The following DGKB variants were observed in gnomAD, a reference collection of about 807,000 sequenced individuals.
The protein encoded by DGKB is diacylglycerol kinase beta.
A neutral mutation model predicts 114.3 loss-of-function variants in DGKB; 67 were observed. The observed-to-expected ratio is 0.59, with a 90% confidence interval of 0.48 to 0.72. The LOEUF (loss-of-function observed/expected upper bound fraction) is 0.72. DGKB is among the 30% of genes least tolerant of loss of function. The probability of loss-of-function intolerance (pLI) is 0.00; values close to 1 mark genes in which losing one functional copy is unlikely to be tolerated. For synonymous variants in DGKB, 398 were observed against 323.1 expected, an observed-to-expected ratio of 1.23 and a Z score of -2.49; for missense variants, 907 against 975.2, an observed-to-expected ratio of 0.93 and a Z score of 0.93.
In DGKB at chr7:14,635,303, G is replaced by A. The variant is rs187845955; in HGVS notation, c.1135-5035C>T. On this transcript the variant is annotated intron_variant, in intron 13 of 25. Coordinates refer to ENST00000402815, the MANE Select transcript of DGKB (RefSeq NM_001350709.2). Reference sequence around the variant, plus strand: ...TGTCTGGAGGCTATTGACAAGAAGGGAACCAACAGAATTTTAAAAAATAAA... The same window carrying A: ...TGTCTGGAGGCTATTGACAAGAAGGAAACCAACAGAATTTTAAAAAATAAA... Among the ~76,000 whole-genome samples the A allele has an allele frequency of 2.1e-3, 320 of 150,990 alleles. 47 individuals carry two copies. Among genetic ancestry groups the A allele is most frequent in the African/African-American group, 7.2e-3 (296 of 41,098 alleles).
intron 23 of DGKB, among the ~76,000 whole-genome samples, chr7:14,297,380 G>A (rs1440355472): frequency 6.6e-6 from 1 of 152,080 alleles, no homozygotes; most frequent in Non-Finnish European, 1.5e-5. Flanking sequence ...TGCATCCCTG[G>A]GATGCAAGGC....
chr7:14,844,474 C>A (rs1009448996), intron 1 of DGKB, among the ~76,000 whole-genome samples: 1 of 152,126 alleles, frequency 6.6e-6, no homozygotes, highest in East Asian at 1.9e-4. Context: ...AATAAAGAGG[C>A]TTGGGCATTA....
intron 12 of DGKB, among the ~76,000 whole-genome samples, chr7:14,682,054 A>C (rs1182204179): frequency 2.1e-5 from 2 of 94,536 alleles, no homozygotes; most frequent in East Asian, 1.6e-3. Context: ...AATCTGCTTA[A>C]CTTTTTTGGT....
At chr7:14,398,544 A>T (rs1822592798) in intron 21 of DGKB, among the ~76,000 whole-genome samples, 1 of 152,008 alleles carries the variant, frequency 6.6e-6, no homozygotes. Context: ...ACTTACTGGG[A>T]TGTGTGAAGG....
At chr7:14,381,623 T>C (rs2128682573) in intron 21 of DGKB, among the ~76,000 whole-genome samples, 1 of 152,248 alleles carries the variant, frequency 6.6e-6, no homozygotes, top group East Asian at 1.9e-4. Flanking sequence ...GCTTTGTCTA[T>C]TTTCTTTAGA....
At chr7:14,187,347 A>C (rs1000560389) in intron 23 of DGKB, among the ~76,000 whole-genome samples, 1 of 151,690 alleles carries the variant, frequency 6.6e-6, no homozygotes, top group Non-Finnish European at 1.5e-5. Context: ...TGGCATCACC[A>C]CACCTGCACA....
intron 1 of DGKB, among the ~76,000 whole-genome samples, chr7:14,971,429 ACT>A (rs2115307272): frequency 6.6e-6 from 1 of 152,010 alleles, no homozygotes; most frequent in East Asian, 1.9e-4. Context: ...TTGGCGGAAA[ACT>A]CTAGCCACAA....
chr7:14,163,489 G>T (rs1258640173), intron 25 of DGKB, among the ~76,000 whole-genome samples: 1 of 152,122 alleles, frequency 6.6e-6, no homozygotes, highest in Admixed American at 6.6e-5. Flanking sequence ...GTTTAAAATT[G>T]TAAATTTATG....
At chr7:14,211,198 A>G (rs1787726513) in intron 23 of DGKB, among the ~76,000 whole-genome samples, 1 of 152,104 alleles carries the variant, frequency 6.6e-6, no homozygotes, top group Non-Finnish European at 1.5e-5. Context: ...TGCTAAAATC[A>G]AAGGGCTTCA....
At chr7:14,166,529 A>T (rs1419629674) in intron 25 of DGKB, among the ~76,000 whole-genome samples, 3 of 152,172 alleles carry the variant, frequency 2.0e-5, no homozygotes, top group African/African-American at 7.2e-5. Flanking sequence ...AAATAGTCAT[A>T]AACAAGAAAA....
intron 1 of DGKB, among the ~76,000 whole-genome samples, chr7:14,947,324 A>G (rs910550323): frequency 1.3e-5 from 2 of 151,658 alleles, no homozygotes; most frequent in Non-Finnish European, 3.0e-5. Flanking sequence ...AAATGGAAAA[A>G]CAAAACTGTT....
chr7:14,260,890 T>C (rs1796680373), intron 23 of DGKB, among the ~76,000 whole-genome samples: 1 of 152,184 alleles, frequency 6.6e-6, no homozygotes, highest in Non-Finnish European at 1.5e-5. Flanking sequence ...GTCTACACAG[T>C]ACAAAGTAAA....
intron 16 of DGKB, 108 bp from the exon 17 acceptor site, chr7:14,607,616 A>C (rs1804759932): frequency 2.8e-6 from 1 of 363,526 alleles, no homozygotes; most frequent in South Asian, 8.1e-5. Flanking sequence ...TAATTATATA[A>C]TTTAATAAAA....
At chr7:14,900,632 C>T (rs1011533977) in intron 1 of DGKB, among the ~76,000 whole-genome samples, 11 of 152,008 alleles carry the variant, frequency 7.2e-5, no homozygotes, top group Non-Finnish European at 1.2e-4. Flanking sequence ...AGACACTATC[C>T]CAGCAAAACT....
chr7:14,231,901 G>C (rs1418295133), intron 23 of DGKB, among the ~76,000 whole-genome samples: 4 of 151,978 alleles, frequency 2.6e-5, no homozygotes, highest in Non-Finnish European at 5.9e-5. Context: ...ATATCCCAAA[G>C]TAATCAAGTC....
chr7:14,486,502 C>T (rs1453870495), intron 20 of DGKB, among the ~76,000 whole-genome samples: 2 of 151,992 alleles, frequency 1.3e-5, no homozygotes, highest in Non-Finnish European at 2.9e-5. Context: ...GACATCCAGC[C>T]CCAGGTGACA....
intron 20 of DGKB, among the ~76,000 whole-genome samples, chr7:14,564,977 T>C (rs939695751): frequency 5.9e-5 from 9 of 152,116 alleles, no homozygotes; most frequent in South Asian, 2.1e-4. Context: ...TTTAGGTAGA[T>C]GGAAAATAAT....
chr7:14,461,754 A>G (rs556423638), intron 21 of DGKB, among the ~76,000 whole-genome samples: 1 of 152,318 alleles, frequency 6.6e-6, no homozygotes, highest in African/African-American at 2.4e-5. Context: ...AACTCATTTT[A>G]TGAGGCCAGC....
chr7:14,926,967 A>G (rs1319029746), intron 1 of DGKB, among the ~76,000 whole-genome samples: 1 of 151,916 alleles, frequency 6.6e-6, no homozygotes, highest in East Asian at 1.9e-4. Context: ...TATAATTCTG[A>G]GCTTTCGGTT....
Sources: gnomAD v4.1 joint callset for allele counts (sites outside exome capture counted in the v4.1 genomes callset) on GRCh38, gnomAD v4.1.1 for gene constraint, MANE v1.5 for transcripts, NCBI Gene and HGNC (gene_info 2026-07-23, HGNC 2026-07-21) for gene names.